NBAS: variants seen among roughly 807,000 people sequenced by gnomAD.
The protein encoded by NBAS is NBAS subunit of NRZ tethering complex.
NBAS carries 219 observed loss-of-function variants against 302.5 expected under a neutral mutation model. The observed-to-expected ratio is 0.72, with a 90% CI of 0.65 to 0.81. The LOEUF is 0.81. Among genes scored for constraint, NBAS ranks in the 30% least tolerant of loss-of-function variants. NBAS has a pLI of 0.00. For synonymous variants in NBAS, 1,118 were observed against 1,021.6 expected (o/e 1.09, Z -1.80); for missense variants, 2,932 against 2,841.6 (o/e 1.03, Z -0.72).
At chr2:14,890,711 A>C in the NBAS span, 1 of 152,458 alleles carries the variant, frequency 6.6e-6, no homozygotes, top group East Asian at 1.9e-4. Context: ...TCAGCTACTC[A>C]GGAGACTGAG....
intron 35 of NBAS, among the ~76,000 whole-genome samples, chr2:15,336,106 A>AC (rs1572679029): frequency 6.6e-6 from 1 of 152,110 alleles, no homozygotes; most frequent in East Asian, 1.9e-4. Context: ...AAAAAAAAAA[A>AC]AGAAATCTTT....
the NBAS span, among the ~76,000 whole-genome samples, chr2:14,846,825 A>C: frequency 6.6e-6 from 1 of 152,134 alleles, no homozygotes; most frequent in Non-Finnish European, 1.5e-5. Flanking sequence ...TGGACACACA[A>C]AAAAATTAAA....
intron 6 of NBAS, among the ~76,000 whole-genome samples, chr2:15,543,288 C>T (rs1022978785): frequency 2.0e-5 from 3 of 152,138 alleles, no homozygotes; most frequent in African/African-American, 7.2e-5. Context: ...ACATTCTTTC[C>T]CTAACACTCC....
At chr2:15,230,528 A>G (rs1266123748) in intron 47 of NBAS, among the ~76,000 whole-genome samples, 1 of 152,046 alleles carries the variant, frequency 6.6e-6, no homozygotes, top group Non-Finnish European at 1.5e-5. Flanking sequence ...ACCTTAAAAA[A>G]CAGTCTGTAT....
At position 15,167,102 on chromosome 2, in the gene NBAS, G is replaced by C. The variant is rs1329818074; in HGVS notation, c.7062C>G (p.His2354Gln). The C allele has an allele frequency of 1.1e-5, 17 of 1,613,266 alleles. No individual in the cohort carries two copies. The highest frequency in any genetic ancestry group is 1.4e-5 in the Non-Finnish European group (17 of 1,179,496). Residue 2354 changes from histidine (H) to glutamine (Q), a missense_variant, in exon 52 of 52, where the codon CAC (histidine) becomes CAG (glutamine). By Grantham distance (24) the His-to-Gln change is conservative. Coordinates refer to ENST00000281513, the MANE Select transcript of NBAS (RefSeq NM_015909.4). ...CTGTACTGAAGGTTCTGAAGGCCTG[G>C]TGAGTCCCCCTCACGGCCAGAAGGA... ...GSLLLAVRGT[H>Q]QAFRTFSTAL... is the part of the protein sequence containing the mutation.
intron 21 of NBAS, among the ~76,000 whole-genome samples, chr2:15,454,596 A>T (rs1005919632): frequency 1.3e-5 from 2 of 152,238 alleles, no homozygotes; most frequent in Non-Finnish European, 2.9e-5. Context: ...CATCAGGTGA[A>T]CATGGAAAAC....
chr2:15,130,366 A>G, the NBAS span, among the ~76,000 whole-genome samples: 1 of 152,182 alleles, frequency 6.6e-6, no homozygotes, highest in South Asian at 2.1e-4. Flanking sequence ...TGGAGTATTC[A>G]CTATTGTCAA....
At chr2:15,181,706 G>A (rs919382861) in intron 50 of NBAS, among the ~76,000 whole-genome samples, 1 of 152,166 alleles carries the variant, frequency 6.6e-6, no homozygotes, top group Non-Finnish European at 1.5e-5. Context: ...TTTCCCAGTG[G>A]ACTATGATTT....
At chr2:15,441,649 C>A (rs1375423309) in intron 21 of NBAS, among the ~76,000 whole-genome samples, 1 of 150,304 alleles carries the variant, frequency 6.7e-6, no homozygotes, top group African/African-American at 2.4e-5. Context: ...CAAATTCACA[C>A]ATAACAATAT....
At chr2:15,530,688 T>C (rs1310947521) in intron 9 of NBAS, among the ~76,000 whole-genome samples, 2 of 151,736 alleles carry the variant, frequency 1.3e-5, no homozygotes, top group African/African-American at 2.4e-5. Context: ...TACAGGTCAT[T>C]CTAAGAGACC....
At chr2:14,845,411 A>G in the NBAS span, among the ~76,000 whole-genome samples, 49 of 152,324 alleles carry the variant, frequency 3.2e-4, no homozygotes, top group African/African-American at 1.1e-3. Context: ...TTTCTAATAC[A>G]TGGAAATCCT....
chr2:14,850,603 C>T, the NBAS span, among the ~76,000 whole-genome samples: 1 of 75,598 alleles, frequency 1.3e-5, no homozygotes. Context: ...CAGAACTCTC[C>T]ACCCCAAATC....
At chr2:15,518,274 T>C (rs1198082707) in intron 9 of NBAS, among the ~76,000 whole-genome samples, 1 of 152,202 alleles carries the variant, frequency 6.6e-6, no homozygotes, top group Non-Finnish European at 1.5e-5. Flanking sequence ...ATCTTAAGTA[T>C]TCTGGGACTG....
the NBAS span, among the ~76,000 whole-genome samples, chr2:15,143,631 C>A: frequency 9.6e-3 from 1,468 of 152,226 alleles, 22 homozygotes; most frequent in African/African-American, 0.034. Context: ...GGTTACATAA[C>A]CTCCACACAC....
chr2:15,560,637 C>T (rs75644567), intron 1 of NBAS, among the ~76,000 whole-genome samples: 2 of 152,034 alleles, frequency 1.3e-5, no homozygotes, highest in Non-Finnish European at 2.9e-5. Context: ...TTTATTGAAA[C>T]ACACAAGACC....
the NBAS span, among the ~76,000 whole-genome samples, chr2:15,159,699 G>A: frequency 1.3e-5 from 2 of 152,108 alleles, no homozygotes; most frequent in South Asian, 2.1e-4. Context: ...GCACAGCAAC[G>A]TGAATATTAA....
chr2:15,456,005 C>CA (rs1679234651), intron 21 of NBAS, among the ~76,000 whole-genome samples: 1 of 152,072 alleles, frequency 6.6e-6, no homozygotes, highest in Non-Finnish European at 1.5e-5. Context: ...ACAAAGACTG[C>CA]AAAAAATGTC....
At chr2:15,414,233 G>A (rs1206662896) in intron 25 of NBAS, among the ~76,000 whole-genome samples, 2 of 152,168 alleles carry the variant, frequency 1.3e-5, no homozygotes, top group African/African-American at 4.8e-5. Context: ...GATTAGCTAA[G>A]CAATGTTTTC....
At chr2:15,059,649 T>A in the NBAS span, among the ~76,000 whole-genome samples, 1 of 152,150 alleles carries the variant, frequency 6.6e-6, no homozygotes, top group Non-Finnish European at 1.5e-5. Flanking sequence ...TGAACTTTCA[T>A]GTTTCATAGC....
Sources: allele counts gnomAD v4.1 joint callset (sites outside exome capture counted in the v4.1 genomes callset), GRCh38; gene constraint gnomAD v4.1.1; transcripts MANE v1.5; gene names NCBI Gene and HGNC (gene_info 2026-07-23, HGNC 2026-07-21).